Variants in MET observed in about 807,000 individuals in gnomAD.
The protein encoded by MET is MET proto-oncogene, receptor tyrosine kinase, also known as hepatocyte growth factor receptor.
A neutral mutation model predicts 133.1 loss-of-function variants in MET; 48 were observed. The ratio of observed to expected loss-of-function variants is 0.36; its 90% CI spans 0.29 to 0.46. The LOEUF (loss-of-function observed/expected upper bound fraction) is 0.46, where lower values mean the gene tolerates loss of function less well. Ranked by LOEUF, MET falls within the 20% of genes least tolerant of loss-of-function variation. The pLI, the probability that MET is intolerant of heterozygous loss-of-function variation, is 1.00. For synonymous variants in MET, 628 were observed against 616.5 expected (o/e 1.02, Z -0.28); for missense variants, 1,442 against 1,695.9 (o/e 0.85, Z 2.63).
chr7:116,685,666 A>G (rs1250699243), intron 1 of MET, among the ~76,000 whole-genome samples: 1 of 152,112 alleles, frequency 6.6e-6, no homozygotes. Context: ...AGCCTGGGCA[A>G]CAGAGCAAGA....
At chr7:116,768,787 G>A (rs754586331) in intron 11 of MET, among the ~76,000 whole-genome samples, 2 of 152,112 alleles carry the variant, frequency 1.3e-5, no homozygotes, top group Non-Finnish European at 2.9e-5. Context: ...ATAAATAACT[G>A]TACTCATTAA....
chr7:116,740,828 T>C (rs1227408112), intron 4 of MET, 24 bp from the exon 5 acceptor site: 2 of 1,613,480 alleles, frequency 1.2e-6, no homozygotes, highest in South Asian at 2.2e-5. Flanking sequence ...CTCTGGAAGC[T>C]CTTTCCACCC....
chr7:116,765,154 G>T (rs1207672264), intron 11 of MET, among the ~76,000 whole-genome samples: 1 of 151,928 alleles, frequency 6.6e-6, no homozygotes, highest in Non-Finnish European at 1.5e-5. Context: ...ACAAAAATTA[G>T]CTGGGCATGG....
chr7:116,785,956 A>G (rs1211077639), intron 19 of MET, among the ~76,000 whole-genome samples: 1 of 152,256 alleles, frequency 6.6e-6, no homozygotes, highest in African/African-American at 2.4e-5. Context: ...GAAGTCCATC[A>G]GGCAATTGAA....
At chr7:116,681,803 A>G (rs1050248741) in intron 1 of MET, among the ~76,000 whole-genome samples, 12 of 152,230 alleles carry the variant, frequency 7.9e-5, no homozygotes, top group Admixed American at 7.2e-4. Flanking sequence ...GCAAGCCAAT[A>G]TGATCACTTA....
Position 116,798,238 on chromosome 7 carries a change from G to A in MET, c.*2114G>A, listed in dbSNP as rs1270332386. ...TATAAACTTGTCCTTAGATTAATGT[G>A]TCTGGACAGATTGTGGGAGTAAGTG... On this transcript the variant is annotated 3_prime_UTR_variant, in exon 21 of 21. Coordinates refer to ENST00000397752, the MANE Select transcript of MET (RefSeq NM_000245.4). 1 of 208,716 alleles carries A rather than the reference G, an allele frequency of 4.8e-6. No homozygotes were observed. The highest frequency in any genetic ancestry group is 5.9e-5 in the Admixed American group (1 of 16,940). The allele number at this position is 208,716 out of a possible 1,614,324, so 12.9% of individuals were successfully genotyped here.
intron 19 of MET, among the ~76,000 whole-genome samples, chr7:116,785,697 A>C (rs1217229328): frequency 6.6e-6 from 1 of 152,230 alleles, no homozygotes; most frequent in African/African-American, 2.4e-5. Flanking sequence ...AGGAAGATGA[A>C]GTGAGAAGTG....
intron 1 of MET, among the ~76,000 whole-genome samples, chr7:116,675,691 A>G (rs979297260): frequency 3.3e-5 from 5 of 151,952 alleles, no homozygotes; most frequent in Non-Finnish European, 7.4e-5. Flanking sequence ...GTGGTAAATG[A>G]TGAATATAAC....
chr7:116,744,626 A>T (rs1424660115), intron 5 of MET, among the ~76,000 whole-genome samples: 7 of 152,224 alleles, frequency 4.6e-5, no homozygotes, highest in Admixed American at 6.5e-5. Flanking sequence ...TCAGAATATT[A>T]TCCAGGAGAA....
intron 5 of MET, among the ~76,000 whole-genome samples, chr7:116,749,962 C>T (rs1584932602): frequency 6.6e-6 from 1 of 152,166 alleles, no homozygotes; most frequent in Non-Finnish European, 1.5e-5. Flanking sequence ...ACATTCCATG[C>T]TCATGGATAG....
Position 116,796,349 on chromosome 7 carries a change from C to A in MET, c.*225C>A. The A allele has an allele frequency of 1.7e-6, 1 of 573,978 alleles. No individual in the cohort carries two copies. Among genetic ancestry groups the A allele is most frequent in the South Asian group, 2.0e-5 (1 of 49,284 alleles). The allele number at this position is 573,978 out of a possible 1,614,324, so 35.6% of individuals were successfully genotyped here. The stretch of plus-strand genomic sequence containing the variant: ...ACGGACCAATGGCCTGCAGCCGTGA[C>A]AACACTCCTGTCATATTGGAGTCCA... On this transcript the variant is annotated 3_prime_UTR_variant, in exon 21 of 21. Transcript: ENST00000397752.
chr7:116,700,474 G>A (rs1288509480), intron 2 of MET, among the ~76,000 whole-genome samples, 190 bp downstream of exon 2: 2 of 141,814 alleles, frequency 1.4e-5, no homozygotes, highest in African/African-American at 2.5e-5. Context: ...TCTTTAAAAT[G>A]TAAATGGTAA....
intron 19 of MET, among the ~76,000 whole-genome samples, chr7:116,791,888 A>G (rs1454569952): frequency 1.3e-5 from 2 of 152,142 alleles, no homozygotes; most frequent in African/African-American, 4.8e-5. Context: ...TCCTGACTTC[A>G]AGTGATCCGC....
rs1286754741 is a variant in MET, at chr7:116,774,884, A to G, written c.3032A>G (p.Gln1011Arg). The part of the protein sequence containing the change: ...VDYRATFPED[Q>R]FPNSSQNGSC... Reference sequence around the variant, plus strand: ...ATAATTTTCCTTCATCTTACAGATCAGTTTCCTAATTCATCTCAGAACGGT... The same window carrying G: ...ATAATTTTCCTTCATCTTACAGATCGGTTTCCTAATTCATCTCAGAACGGT... The change falls in exon 15 of 21, where the codon CAG (glutamine) becomes CGG (arginine). Residue 1011 changes from glutamine (Q) to arginine (R), a missense_variant. Gln to Arg is a conservative substitution (Grantham distance 43). This residue lies in a region of MET where 514 missense variants were observed against 659.6 expected (regional missense o/e 0.78). Transcript: ENST00000397752. 6.2e-7 allele frequency: 1 copy of G among 1,613,648 alleles called. No individual in the cohort carries two copies. The highest frequency in any genetic ancestry group is 8.5e-7 in the Non-Finnish European group (1 of 1,179,648).
intron 11 of MET, among the ~76,000 whole-genome samples, chr7:116,768,206 C>T (rs909816686): frequency 6.6e-6 from 1 of 152,174 alleles, no homozygotes; most frequent in African/African-American, 2.4e-5. Context: ...ATTGGAAACA[C>T]AAATGTTGTA....
At chr7:116,717,816 A>C (rs1162111244) in intron 2 of MET, among the ~76,000 whole-genome samples, 1 of 152,232 alleles carries the variant, frequency 6.6e-6, no homozygotes, top group Non-Finnish European at 1.5e-5. Context: ...ATAATTACAT[A>C]TTCACTGCAT....
At chr7:116,763,725 T>C (rs1412353826) in intron 11 of MET, among the ~76,000 whole-genome samples, 1 of 152,242 alleles carries the variant, frequency 6.6e-6, no homozygotes, top group African/African-American at 2.4e-5. Context: ...TGGAACTAGA[T>C]ATCTGCCACC....
intron 17 of MET, among the ~76,000 whole-genome samples, chr7:116,779,832 C>G (rs922583789): frequency 3.3e-5 from 5 of 151,938 alleles, no homozygotes; most frequent in African/African-American, 1.2e-4. Context: ...TTAATTTCAC[C>G]TGTTTCTTTT....
intron 2 of MET, among the ~76,000 whole-genome samples, chr7:116,709,325 T>C (rs971951665): frequency 2.0e-5 from 3 of 152,230 alleles, no homozygotes; most frequent in African/African-American, 7.2e-5. Flanking sequence ...GCATATGCTT[T>C]GCAAATCATA....
Sources: gnomAD v4.1 joint callset for allele counts (sites outside exome capture counted in the v4.1 genomes callset) on GRCh38, gnomAD v4.1.1 for gene constraint, gnomAD v4.1.1 regional missense constraint, MANE v1.5 for transcripts, NCBI Gene and HGNC (gene_info 2026-07-23, HGNC 2026-07-21) for gene names.